ATCAY: variants seen among roughly 807,000 people sequenced by gnomAD.
The protein encoded by ATCAY is ATCAY kinesin light chain interacting caytaxin.
Under a neutral mutation model 47.7 loss-of-function variants are expected in ATCAY, and 22 were observed. That is an observed-to-expected ratio of 0.46 (90% CI 0.33 to 0.66). The LOEUF (loss-of-function observed/expected upper bound fraction) is 0.66, where lower values mean the gene tolerates loss of function less well. ATCAY is among the 30% of genes least tolerant of loss of function. The probability of loss-of-function intolerance (pLI) is 0.02; values close to 1 mark genes in which losing one functional copy is unlikely to be tolerated. For synonymous variants in ATCAY, 216 were observed against 207.6 expected (o/e 1.04, Z -0.35); for missense variants, 452 against 515.0 (o/e 0.88, Z 1.18).
At chr19:3,903,859 C>T (rs1451290665) in intron 3 of ATCAY, among the ~76,000 whole-genome samples, 3 of 150,328 alleles carry the variant, frequency 2.0e-5, no homozygotes, top group African/African-American at 7.3e-5. Flanking sequence ...AAAAAAAAGG[C>T]AGGTCACCGT....
chr19:3,891,447 C>T (rs1033685604), intron 2 of ATCAY, among the ~76,000 whole-genome samples: 2 of 152,002 alleles, frequency 1.3e-5, no homozygotes, highest in Non-Finnish European at 2.9e-5. Flanking sequence ...TTTCTCCATT[C>T]ATTCATTCTG....
intron 7 of ATCAY, 34 bp downstream of exon 7, chr19:3,909,651 G>A (rs1381964738): frequency 6.4e-7 from 1 of 1,553,492 alleles, no homozygotes; most frequent in East Asian, 2.4e-5. Context: ...GCACAGTGGG[G>A]GCATGAAAAT....
At chr19:3,885,584 A>C (rs1344464070) in intron 1 of ATCAY, 143 bp from the exon 2 acceptor site, 1 of 531,320 alleles carries the variant, frequency 1.9e-6, no homozygotes, top group Non-Finnish European at 3.3e-6. Context: ...AGAAGGAGAG[A>C]GGAGAGGAGA....
In ATCAY at chr19:3,927,874, G is replaced by C. The variant is rs1305707107; in HGVS notation, c.*3282G>C. On this transcript the variant is annotated 3_prime_UTR_variant, in exon 13 of 13. Coordinates refer to ENST00000450849, the MANE Select transcript of ATCAY (RefSeq NM_033064.5). ...GGACCCCGACCCCTCCTCGTAAAAG[G>C]ATGTTGGGTTTCCCTCTGGTGACAC... The C allele has an allele frequency of 1.3e-5, 2 of 152,246 alleles. No individual in the cohort carries two copies. The highest frequency in any genetic ancestry group is 2.9e-5 in the Non-Finnish European group (2 of 68,078). The allele number at this position is 152,246 out of a possible 1,614,324, so 9.4% of individuals were successfully genotyped here.
At chr19:3,900,801 G>C (rs1262516482) in intron 2 of ATCAY, among the ~76,000 whole-genome samples, 1 of 151,800 alleles carries the variant, frequency 6.6e-6, no homozygotes, top group African/African-American at 2.4e-5. Flanking sequence ...CTCCCAAAGT[G>C]CTGGGATTAC....
At chr19:3,903,529 C>CA (rs1011334161) in intron 3 of ATCAY, among the ~76,000 whole-genome samples, 6 of 151,740 alleles carry the variant, frequency 4.0e-5, no homozygotes, top group African/African-American at 1.5e-4. Context: ...GAGGGCCAAA[C>CA]AAAATTTTTT....
chr19:3,889,571 A>G (rs1188574024), intron 2 of ATCAY, among the ~76,000 whole-genome samples: 1 of 152,140 alleles, frequency 6.6e-6, no homozygotes, highest in Non-Finnish European at 1.5e-5. Flanking sequence ...TCCAGCCTGG[A>G]CAACAGAGCA....
At chr19:3,920,699 A>G in intron 11 of ATCAY, 67 bp from the exon 12 acceptor site, 1 of 1,405,508 alleles carries the variant, frequency 7.1e-7, no homozygotes, top group South Asian at 1.7e-5. Flanking sequence ...TTAAAGAAAA[A>G]AAAGGGAAAA....
intron 7 of ATCAY, 50 bp from the exon 8 acceptor site, chr19:3,910,753 C>T: frequency 6.3e-7 from 1 of 1,596,812 alleles, no homozygotes; most frequent in Non-Finnish European, 8.6e-7. Flanking sequence ...TCCTCCCTCC[C>T]CAGGGCTCGC....
chr19:3,897,340 T>A (rs1568446380), intron 2 of ATCAY, among the ~76,000 whole-genome samples: 1 of 150,686 alleles, frequency 6.6e-6, no homozygotes, highest in Non-Finnish European at 1.5e-5. Flanking sequence ...CGCTCTGTCA[T>A]CCAGGCTGGA....
Position 3,910,849 on chromosome 19 carries a change from T to G in ATCAY, c.826T>G (p.Phe276Val), listed in dbSNP as rs1489339459. ...CTTGATCATCGTCCACCCCTCGTGG[T>G]TCATTCGGACTGTGCTGGCCATCTC... is the stretch of plus-strand genomic sequence containing the variant. ...KSLIIVHPSW[F>V]IRTVLAISRP... The change falls in exon 8 of 13, where the codon TTC becomes GTC. Residue 276 changes from phenylalanine (F) to valine (V), a missense_variant. Transcript: ENST00000450849. The G allele has an allele frequency of 5.6e-6, 9 of 1,613,882 alleles. No homozygotes were observed. The highest frequency in any genetic ancestry group is 1.3e-5 in the African/African-American group (1 of 74,930).
intron 3 of ATCAY, among the ~76,000 whole-genome samples, chr19:3,904,218 G>A (rs2038840786): frequency 6.6e-6 from 1 of 152,210 alleles, no homozygotes; most frequent in African/African-American, 2.4e-5. Flanking sequence ...CAGCTACTTG[G>A]GAGGCTGAGG....
intron 6 of ATCAY, 29 bp downstream of exon 6, chr19:3,908,399 C>T (rs747531924): frequency 8.4e-5 from 130 of 1,542,950 alleles, no homozygotes; most frequent in Non-Finnish European, 1.1e-4. Context: ...CGAGCAGCCT[C>T]GGGCCAGCTC....
chr19:3,889,853 C>T (rs547449241), intron 2 of ATCAY, among the ~76,000 whole-genome samples: 2 of 152,172 alleles, frequency 1.3e-5, no homozygotes, highest in South Asian at 4.1e-4. Flanking sequence ...ATGGCGAAGG[C>T]AGCACAAATA....
intron 2 of ATCAY, among the ~76,000 whole-genome samples, chr19:3,891,551 A>G (rs1415812041): frequency 6.6e-6 from 1 of 151,556 alleles, no homozygotes; most frequent in Non-Finnish European, 1.5e-5. Context: ...CAGGCCAGGG[A>G]GGGAAGGGGA....
At chr19:3,891,191 A>T (rs1000814169) in intron 2 of ATCAY, among the ~76,000 whole-genome samples, 3 of 151,914 alleles carry the variant, frequency 2.0e-5, no homozygotes, top group Non-Finnish European at 4.4e-5. Context: ...AGCTGGGATT[A>T]CAGGTACGCA....
chr19:3,890,364 G>A (rs1451837276), intron 2 of ATCAY, among the ~76,000 whole-genome samples: 1 of 137,140 alleles, frequency 7.3e-6, no homozygotes. Flanking sequence ...CCGGGTTCAA[G>A]CAATTCTCCC....
rs188738675 is a variant in ATCAY at position 3,898,970 on chromosome 19, G to A, written c.78-3517G>A. On this transcript the variant is annotated intron_variant, in intron 2 of 12. Transcript: ENST00000450849. ...GCCAGGATGACAGGCGTGAGCCACC[G>A]CGCCTGGCCGTCAATGGACTCTTGA... Among the ~76,000 whole-genome samples, 412 of 152,004 alleles carry A rather than the reference G, an allele frequency of 2.7e-3. 3 individuals carry two copies. Among genetic ancestry groups the A allele is most frequent in the South Asian group, 0.018 (84 of 4,796 alleles).
chr19:3,902,258 G>A (rs957249456), intron 2 of ATCAY, among the ~76,000 whole-genome samples: 3 of 151,792 alleles, frequency 2.0e-5, no homozygotes, highest in Non-Finnish European at 4.4e-5. Context: ...GGAGGTTGAG[G>A]CTGCAGTGAG....
Sources: allele counts gnomAD v4.1 joint callset (sites outside exome capture counted in the v4.1 genomes callset), GRCh38; gene constraint gnomAD v4.1.1; transcripts MANE v1.5; gene names NCBI Gene and HGNC (gene_info 2026-07-23, HGNC 2026-07-21).